The following THSD7B variants were observed in gnomAD, a reference collection of about 807,000 sequenced individuals.
The protein encoded by THSD7B is thrombospondin type 1 domain containing 7B, also known as thrombospondin type-1 domain-containing protein 7B.
A neutral mutation model predicts 213.6 loss-of-function variants in THSD7B; 138 were observed. That is an observed-to-expected ratio of 0.65 (90% CI 0.56 to 0.74). THSD7B has a LOEUF of 0.74. THSD7B is among the 30% of genes least tolerant of loss of function. The probability of loss-of-function intolerance (pLI) is 0.00; values close to 1 mark genes in which losing one functional copy is unlikely to be tolerated. For missense variants in THSD7B, 1,931 were observed against 1,991.5 expected (o/e 0.97, Z 0.58); for synonymous variants, 742 against 687.0 (o/e 1.08, Z -1.25).
chr2:137,651,692 T>C (rs1225344744), intron 21 of THSD7B, among the ~76,000 whole-genome samples: 1 of 152,080 alleles, frequency 6.6e-6, no homozygotes, highest in African/African-American at 2.4e-5. Flanking sequence ...TAGACATTTA[T>C]TGCTGTAAAC....
intron 15 of THSD7B, 30 bp from the exon 16 acceptor site, chr2:137,563,191 A>G (rs1681158108): frequency 1.9e-6 from 3 of 1,607,156 alleles, no homozygotes; most frequent in East Asian, 2.2e-5. Context: ...ATAGTTCCAC[A>G]TAATTTTGTT....
intron 12 of THSD7B, among the ~76,000 whole-genome samples, chr2:137,293,123 T>G (rs1483499156): frequency 2.0e-5 from 3 of 151,826 alleles, no homozygotes; most frequent in Non-Finnish European, 4.4e-5. Flanking sequence ...ACTGCCTTAG[T>G]TTTGTTTTTT....
intron 7 of THSD7B, among the ~76,000 whole-genome samples, chr2:137,213,974 G>A (rs890572253): frequency 3.2e-4 from 48 of 152,136 alleles, no homozygotes; most frequent in African/African-American, 1.1e-3. Context: ...CTCACGTTCA[G>A]AAGCCATGAA....
chr2:137,000,888 CCT>C (rs1432964901), intron 2 of THSD7B, among the ~76,000 whole-genome samples: 1 of 151,944 alleles, frequency 6.6e-6, no homozygotes, highest in Non-Finnish European at 1.5e-5. Context: ...CAAAAGGGTG[CCT>C]CTCATAGTTT....
chr2:137,285,751 C>CT (rs1683157457), intron 12 of THSD7B, among the ~76,000 whole-genome samples: 1 of 152,052 alleles, frequency 6.6e-6, no homozygotes, highest in African/African-American at 2.4e-5. Context: ...CTTTATTTAA[C>CT]ACAACATTTC....
At chr2:137,583,620 C>G (rs1380957596) in intron 17 of THSD7B, among the ~76,000 whole-genome samples, 5 of 152,182 alleles carry the variant, frequency 3.3e-5, no homozygotes, top group Middle Eastern at 3.4e-3. Context: ...ATTTGTTTTT[C>G]TCAGGTTTGT....
chr2:137,177,052 A>G (rs546151721), intron 7 of THSD7B, among the ~76,000 whole-genome samples: 1 of 152,338 alleles, frequency 6.6e-6, no homozygotes, highest in Non-Finnish European at 1.5e-5. Flanking sequence ...CATGTTGATG[A>G]TAGTTTTTAA....
chr2:137,457,833 G>C (rs1687792283), intron 15 of THSD7B, among the ~76,000 whole-genome samples: 1 of 152,058 alleles, frequency 6.6e-6, no homozygotes, highest in Admixed American at 6.6e-5. Context: ...TGGAAAAATG[G>C]AATTAACAGA....
intron 22 of THSD7B, among the ~76,000 whole-genome samples, chr2:137,655,902 C>T (rs1191609160): frequency 2.0e-5 from 3 of 152,124 alleles, no homozygotes; most frequent in Admixed American, 6.5e-5. Flanking sequence ...ATGTCTCTAT[C>T]ACTTCATTGT....
chr2:137,546,655 C>T (rs952614098), intron 15 of THSD7B, among the ~76,000 whole-genome samples: 93 of 143,416 alleles, frequency 6.5e-4, no homozygotes, highest in African/African-American at 2.3e-3. Flanking sequence ...ATTCTTAGTT[C>T]TCAATAAATA....
rs1051041779 is a variant in THSD7B, at chr2:137,350,478, C to T, written c.2501-55135C>T. On this transcript the variant is annotated intron_variant, in intron 12 of 27. Coordinates refer to ENST00000409968, the MANE Select transcript of THSD7B (RefSeq NM_001316349.2). The stretch of plus-strand genomic sequence containing the variant: ...GTGGAGAAAGTCAGAGAGTGGCACC[C>T]GGTAAAGTCATATCAGTGAGGAGAG... 8.6e-5 allele frequency among the ~76,000 whole-genome samples: 13 copies of T among 151,642 alleles called. 1 individual carries two copies. The highest frequency in any genetic ancestry group is 6.8e-3 in the Middle Eastern group (2 of 294).
At chr2:137,094,553 AT>A (rs943915430) in intron 3 of THSD7B, among the ~76,000 whole-genome samples, 1 of 150,630 alleles carries the variant, frequency 6.6e-6, no homozygotes, top group African/African-American at 2.4e-5. Flanking sequence ...GCAAGACTCC[AT>A]CTCTAAAAAA....
chr2:137,242,320 C>G, intron 9 of THSD7B, 137 bp from the exon 10 acceptor site: 1 of 618,070 alleles, frequency 1.6e-6, no homozygotes, highest in Admixed American at 3.0e-5. Flanking sequence ...AGTAGCTTCA[C>G]CTCCAGGAGT....
intron 15 of THSD7B, among the ~76,000 whole-genome samples, chr2:137,481,449 C>A (rs971622009): frequency 8.5e-5 from 13 of 152,262 alleles, no homozygotes; most frequent in Admixed American, 7.8e-4. Context: ...GATAACATCT[C>A]CTCTAAGATT....
intron 12 of THSD7B, among the ~76,000 whole-genome samples, chr2:137,366,558 C>G (rs570998032): frequency 6.6e-6 from 1 of 151,950 alleles, no homozygotes; most frequent in South Asian, 2.1e-4. Context: ...CTCCTTCCAT[C>G]CCCTTCTATG....
At chr2:137,173,541 T>C (rs1680304868) in intron 7 of THSD7B, among the ~76,000 whole-genome samples, 1 of 152,188 alleles carries the variant, frequency 6.6e-6, no homozygotes, top group African/African-American at 2.4e-5. Context: ...ATTTTCAGCT[T>C]TTGACCTACA....
chr2:136,860,895 C>G (rs770481666), intron 1 of THSD7B, among the ~76,000 whole-genome samples: 9 of 152,218 alleles, frequency 5.9e-5, no homozygotes, highest in Non-Finnish European at 1.0e-4. Flanking sequence ...CATTCTATTT[C>G]TCATGTTGTT....
chr2:137,296,641 GAC>G (rs1294354506), intron 12 of THSD7B, among the ~76,000 whole-genome samples: 1 of 152,098 alleles, frequency 6.6e-6, no homozygotes, highest in Non-Finnish European at 1.5e-5. Flanking sequence ...AATGCTAAAT[GAC>G]AGTTTTTACA....
intron 17 of THSD7B, among the ~76,000 whole-genome samples, chr2:137,591,147 T>C (rs1202463754): frequency 6.6e-6 from 1 of 151,954 alleles, no homozygotes; most frequent in South Asian, 2.1e-4. Context: ...TTGATGATCA[T>C]ATCTGATCTT....
Sources: allele counts gnomAD v4.1 joint callset (sites outside exome capture counted in the v4.1 genomes callset), GRCh38; gene constraint gnomAD v4.1.1; transcripts MANE v1.5; gene names NCBI Gene and HGNC (gene_info 2026-07-23, HGNC 2026-07-21).